DAG1: variants seen among roughly 807,000 people sequenced by gnomAD.
DAG1 encodes dystroglycan 1 (dystrophin-associated glycoprotein 1).
DAG1 carries 8 observed loss-of-function variants against 46.1 expected under a neutral mutation model. The ratio of observed to expected loss-of-function variants is 0.17; its 90% CI spans 0.10 to 0.31. The LOEUF (loss-of-function observed/expected upper bound fraction) is 0.31. Ranked by LOEUF, DAG1 falls within the 10% of genes least tolerant of loss-of-function variation. The pLI, the probability that DAG1 is intolerant of heterozygous loss-of-function variation, is 1.00. For synonymous variants in DAG1, 495 were observed against 481.8 expected (o/e 1.03, Z -0.36); for missense variants, 1,003 against 1,189.9 (o/e 0.84, Z 2.31).
rs377764010 is a variant in DAG1, at chr3:49,481,065, T to C, written c.-117+10632T>C. ...CGTGAGCCACCACGCCCGGCCTGCA[T>C]AAAGTTTTTTAAAAGTTTTTTGTAT... is the stretch of plus-strand genomic sequence containing the variant. On this transcript the variant is annotated intron_variant, in intron 1 of 2. Coordinates refer to ENST00000308775, the MANE Select transcript of DAG1 (RefSeq NM_004393.6). 3.1e-4 allele frequency among the ~76,000 whole-genome samples: 46 copies of C among 148,096 alleles called. No homozygotes were observed. The South Asian group carries it at 0.01, about 32-fold the overall frequency.
intron 1 of DAG1, among the ~76,000 whole-genome samples, chr3:49,499,599 G>GA (rs766839454): frequency 6.6e-6 from 1 of 152,182 alleles, no homozygotes; most frequent in Non-Finnish European, 1.5e-5. Flanking sequence ...TAGCTCTGGG[G>GA]AGGCAGCCTG....
chr3:49,472,313 G>A (rs1210039886), intron 1 of DAG1, among the ~76,000 whole-genome samples: 2 of 152,106 alleles, frequency 1.3e-5, no homozygotes, highest in Non-Finnish European at 2.9e-5. Context: ...CATGATGGGG[G>A]AGGAGCTACA....
Position 49,533,043 on chromosome 3 carries a change from G to A in DAG1, c.2532G>A (p.Gln844=). The A allele has an allele frequency of 6.2e-7, 1 of 1,614,144 alleles. No homozygotes were observed. The change falls in exon 3 of 3, where the codon CAG becomes CAA. Residue 844 remains glutamine (Q), a synonymous_variant. Transcript: ENST00000308775. ...TGCCCGAGACCACTCCTCTGAACCA[G>A]GACACCATGGGAGAGTACACGCCCC... The part of the protein sequence containing the change: ...QSVPETTPLN[Q]DTMGEYTPLR...
At chr3:49,476,139 G>C (rs945252059) in intron 1 of DAG1, among the ~76,000 whole-genome samples, 1 of 152,178 alleles carries the variant, frequency 6.6e-6, no homozygotes, top group African/African-American at 2.4e-5. Flanking sequence ...CTGTGTTGAA[G>C]TGGTTAAATC....
chr3:49,498,911 C>T (rs1468722684), intron 1 of DAG1, among the ~76,000 whole-genome samples: 5 of 152,000 alleles, frequency 3.3e-5, no homozygotes, highest in South Asian at 2.1e-4. Flanking sequence ...GGTTTTGCCA[C>T]GTTGCCCAGG....
In DAG1 at chr3:49,510,723, A is replaced by G; in HGVS notation, c.189A>G (p.Thr63=). 1 of 1,614,132 alleles carries G rather than the reference A, an allele frequency of 6.2e-7. No homozygotes were observed. ...VLSDLHEAVP[T]VVGIPDGTAV... Reference sequence around the variant, plus strand: ...CAGACCTCCACGAGGCTGTTCCCACAGTGGTTGGCATTCCTGATGGCACGG... The same window carrying G: ...CAGACCTCCACGAGGCTGTTCCCACGGTGGTTGGCATTCCTGATGGCACGG... The change falls in exon 2 of 3, where the codon ACA becomes ACG. Residue 63 remains threonine (T), a synonymous_variant. Transcript: ENST00000308775.
At position 49,532,625 on chromosome 3, in the gene DAG1, T is replaced by A; in HGVS notation, c.2114T>A (p.Ile705Asn). ...ALEPDFKATS[I>N]TVTGSGSCRH... ...GAGCCTGACTTTAAGGCCACAAGCA[T>A]CACTGTGACGGGCTCTGGCAGTTGT... is the stretch of plus-strand genomic sequence containing the variant. The change falls in exon 3 of 3, where the codon ATC (isoleucine) becomes AAC (asparagine). Residue 705 changes from isoleucine (I) to asparagine (N), a missense_variant. This residue lies in a region of DAG1 where 755 missense variants were observed against 854.1 expected (regional missense o/e 0.88). Transcript: ENST00000308775. The surrounding 1 kb of genome is among the most constrained non-coding windows in gnomAD (Gnocchi z 5.4). 1 of 1,613,698 alleles carries A rather than the reference T, an allele frequency of 6.2e-7. No individual in the cohort carries two copies. Among genetic ancestry groups the A allele is most frequent in the Non-Finnish European group, 8.5e-7 (1 of 1,179,636 alleles).
chr3:49,476,559 G>A (rs1452932137), intron 1 of DAG1, among the ~76,000 whole-genome samples: 4 of 152,142 alleles, frequency 2.6e-5, no homozygotes, highest in Non-Finnish European at 4.4e-5. Context: ...GTTTTGCAGT[G>A]TTGAGGTTTT....
At chr3:49,525,735 T>C (rs1461205259) in intron 2 of DAG1, among the ~76,000 whole-genome samples, 1 of 151,768 alleles carries the variant, frequency 6.6e-6, no homozygotes, top group Non-Finnish European at 1.5e-5. Flanking sequence ...ATTTTTTTTA[T>C]TTTTAGTAGA....
intron 1 of DAG1, among the ~76,000 whole-genome samples, chr3:49,508,548 A>G (rs1325196295): frequency 6.6e-6 from 1 of 152,036 alleles, no homozygotes; most frequent in Admixed American, 6.6e-5. Context: ...TCAGGCGTGC[A>G]CCACCACGCC....
At chr3:49,504,586 T>G (rs2050546580) in intron 1 of DAG1, among the ~76,000 whole-genome samples, 1 of 95,990 alleles carries the variant, frequency 1.0e-5, no homozygotes, top group Admixed American at 1.1e-4. Context: ...TTTTTTTTTT[T>G]TTTTTTTTTT....
At position 49,510,727 on chromosome 3, in the gene DAG1, G is replaced by A. The variant is rs757379579; in HGVS notation, c.193G>A (p.Val65Ile). 47 of 1,614,086 alleles carry A rather than the reference G, an allele frequency of 2.9e-5. No individual in the cohort carries two copies. Among genetic ancestry groups the A allele is most frequent in the Middle Eastern group, 3.3e-4 (2 of 6,084 alleles). The change falls in exon 2 of 3, where the codon GTT becomes ATT. Residue 65 changes from valine (V) to isoleucine (I), a missense_variant. Val to Ile is a conservative substitution (Grantham distance 29). This residue lies in a region of DAG1 where 196 missense variants were observed against 239.1 expected (regional missense o/e 0.82). Transcript: ENST00000308775. Reference protein sequence around the residue: ...SDLHEAVPTVVGIPDGTAVVG... With the variant: ...SDLHEAVPTVIGIPDGTAVVG... ...CCTCCACGAGGCTGTTCCCACAGTGGTTGGCATTCCTGATGGCACGGCTGT... is the reference window on the plus strand; with the variant it reads ...CCTCCACGAGGCTGTTCCCACAGTGATTGGCATTCCTGATGGCACGGCTGT...
intron 1 of DAG1, among the ~76,000 whole-genome samples, chr3:49,496,709 C>A (rs2050322386): frequency 6.6e-6 from 1 of 151,186 alleles, no homozygotes; most frequent in African/African-American, 2.4e-5. Context: ...TCACTGCAAC[C>A]TCTACCTCCC....
intron 1 of DAG1, among the ~76,000 whole-genome samples, chr3:49,497,125 C>T (rs1235389111): frequency 6.6e-6 from 1 of 150,424 alleles, no homozygotes; most frequent in African/African-American, 2.4e-5. Flanking sequence ...ATAGTGAGAC[C>T]CTGTCTCTAC....
At chr3:49,515,869 CAA>C (rs1248581570) in intron 2 of DAG1, among the ~76,000 whole-genome samples, 1 of 152,170 alleles carries the variant, frequency 6.6e-6, no homozygotes, top group Non-Finnish European at 1.5e-5. Flanking sequence ...CATATTGAGT[CAA>C]GAGATGTCTT....
At chr3:49,527,595 T>C (rs1475884466) in intron 2 of DAG1, among the ~76,000 whole-genome samples, 1 of 146,334 alleles carries the variant, frequency 6.8e-6, no homozygotes, top group East Asian at 2.0e-4. Context: ...CCCAGCTACT[T>C]GGGAGGCTGA....
intron 2 of DAG1, among the ~76,000 whole-genome samples, chr3:49,523,340 A>T (rs2051086075): frequency 6.6e-6 from 1 of 152,036 alleles, no homozygotes; most frequent in Admixed American, 6.5e-5. Context: ...GGCCTCCTAG[A>T]GTGCTGGGAT....
intron 2 of DAG1, among the ~76,000 whole-genome samples, chr3:49,526,305 A>G (rs2051170043): frequency 6.6e-6 from 1 of 152,176 alleles, no homozygotes; most frequent in Non-Finnish European, 1.5e-5. Context: ...TTGACATGAG[A>G]TTTGGGCAGT....
chr3:49,500,772 T>C (rs1255527614), intron 1 of DAG1, among the ~76,000 whole-genome samples: 2 of 152,180 alleles, frequency 1.3e-5, no homozygotes, highest in African/African-American at 4.8e-5. Context: ...AGCACTCTTT[T>C]CTCCCACAAG....
Sources: gnomAD v4.1 joint callset for allele counts (sites outside exome capture counted in the v4.1 genomes callset) on GRCh38, gnomAD v4.1.1 for gene constraint, gnomAD v4.1.1 regional missense constraint, Gnocchi (gnomAD v3.1) non-coding constraint, MANE v1.5 for transcripts, NCBI Gene and HGNC (gene_info 2026-07-23, HGNC 2026-07-21) for gene names.